RIN2: variants seen among roughly 807,000 people sequenced by gnomAD.
RIN2 encodes the protein RAB5 interacting protein 2.
Under a neutral mutation model 78.0 loss-of-function variants are expected in RIN2, and 36 were observed. The observed-to-expected ratio is 0.46, with a 90% CI of 0.35 to 0.61. The LOEUF (loss-of-function observed/expected upper bound fraction) is 0.61. Among genes scored for constraint, RIN2 ranks in the 20% least tolerant of loss-of-function variants. The probability of loss-of-function intolerance (pLI) is 0.00; values close to 1 mark genes in which losing one functional copy is unlikely to be tolerated. For synonymous variants in RIN2, 466 were observed against 466.8 expected (o/e 1.00, Z 0.02); for missense variants, 1,087 against 1,159.7 (o/e 0.94, Z 0.91).
At chr20:19,965,112 GCT>G in intron 7 of RIN2, 88 bp downstream of exon 7, 1 of 1,052,450 alleles carries the variant, frequency 9.5e-7, no homozygotes, top group Non-Finnish European at 1.5e-6. Flanking sequence ...GATCTAGGAG[GCT>G]GGCCACCTAT....
chr20:19,925,984 G>A (rs551378839), intron 3 of RIN2, among the ~76,000 whole-genome samples: 1 of 152,308 alleles, frequency 6.6e-6, no homozygotes, highest in African/African-American at 2.4e-5. Context: ...TGTGGATTGT[G>A]GTATATCCCT....
At chr20:19,883,658 T>C (rs955005285) in intron 2 of RIN2, among the ~76,000 whole-genome samples, 3 of 152,202 alleles carry the variant, frequency 2.0e-5, no homozygotes, top group Admixed American at 1.3e-4. Context: ...AGGAGGACTT[T>C]CTAACCAGCA....
chr20:19,989,727 A>G lies in RIN2; in HGVS notation c.1763-279A>G, dbSNP rs544667759. On this transcript the variant is annotated intron_variant, in intron 9 of 12. Coordinates refer to ENST00000255006, the MANE Select transcript of RIN2 (RefSeq NM_018993.4). ...CATATTTGCCTGTACTTACAGGGATAGGGCATGAAAGTAATTAAAACAAAT... is the reference window on the plus strand; with the variant it reads ...CATATTTGCCTGTACTTACAGGGATGGGGCATGAAAGTAATTAAAACAAAT... Among the ~76,000 whole-genome samples the G allele has an allele frequency of 2.0e-5, 3 of 152,254 alleles. No homozygotes were observed. In the South Asian group the frequency reaches 6.2e-4, roughly 31 times the overall value.
At chr20:19,899,906 C>T (rs886976872) in intron 3 of RIN2, among the ~76,000 whole-genome samples, 7 of 152,316 alleles carry the variant, frequency 4.6e-5, no homozygotes, top group Admixed American at 1.3e-4. Flanking sequence ...GTGGCTTACA[C>T]TGGGAACATC....
At chr20:19,865,740 C>T (rs2037486625) in intron 2 of RIN2, among the ~76,000 whole-genome samples, 5 of 152,084 alleles carry the variant, frequency 3.3e-5, no homozygotes, top group South Asian at 2.1e-4. Context: ...AGCAATCCTG[C>T]TTTGGCCTCC....
chr20:19,954,642 G>C (rs2041457583), intron 4 of RIN2, among the ~76,000 whole-genome samples: 1 of 152,140 alleles, frequency 6.6e-6, no homozygotes, highest in African/African-American at 2.4e-5. Flanking sequence ...GTAAATGAGA[G>C]AATGTAGGTA....
At chr20:19,775,029 T>G (rs6046308) in intron 1 of RIN2, among the ~76,000 whole-genome samples, 61,391 of 152,016 alleles carry the variant, frequency 0.4, 16,026 homozygotes, top group African/African-American at 0.75. Context: ...ATCAATCTGG[T>G]AGGAAAAGAA....
chr20:19,882,041 T>C (rs1379809989), intron 2 of RIN2, among the ~76,000 whole-genome samples: 3 of 152,260 alleles, frequency 2.0e-5, no homozygotes, highest in South Asian at 2.1e-4. Context: ...CAAACATAAA[T>C]TGATGAATTT....
intron 2 of RIN2, among the ~76,000 whole-genome samples, chr20:19,869,823 T>G (rs140393517): frequency 7.4e-5 from 11 of 148,928 alleles, no homozygotes; most frequent in African/African-American, 2.8e-4. Context: ...TTTATTTATT[T>G]ATTTATTTAT....
chr20:19,923,755 C>A (rs1190077230), intron 3 of RIN2, among the ~76,000 whole-genome samples: 2 of 152,046 alleles, frequency 1.3e-5, no homozygotes, highest in Non-Finnish European at 2.9e-5. Context: ...GGGTGGATGG[C>A]TTATTACCTT....
At chr20:19,931,709 C>CTTTTTTTT (rs57734791) in intron 3 of RIN2, among the ~76,000 whole-genome samples, 16 of 128,110 alleles carry the variant, frequency 1.2e-4, no homozygotes, top group East Asian at 4.6e-4. Flanking sequence ...CTCGATTTGC[C>CTTTTTTTT]TTTTTTTTTT....
chr20:19,899,226 T>C (rs1179168401), intron 3 of RIN2, among the ~76,000 whole-genome samples: 2 of 152,200 alleles, frequency 1.3e-5, no homozygotes, highest in African/African-American at 4.8e-5. Flanking sequence ...GTTTATTGAC[T>C]TAAATACTGG....
At chr20:19,762,352 A>C (rs1408055337) in intron 1 of RIN2, among the ~76,000 whole-genome samples, 1 of 152,202 alleles carries the variant, frequency 6.6e-6, no homozygotes, top group Non-Finnish European at 1.5e-5. Flanking sequence ...GACTCAAAGG[A>C]GAATTGTGGG....
intron 2 of RIN2, chr20:19,823,833 C>A: frequency 6.2e-7 from 1 of 1,606,646 alleles, no homozygotes; most frequent in Non-Finnish European, 8.5e-7. Context: ...TTTTTGGAGA[C>A]AGACCCAGGG....
Position 19,995,263 on chromosome 20 carries a change from A to T in RIN2, c.2201-1416A>T, listed in dbSNP as rs1173968799. ...ATTGCCAGTGTCTGTTTTTTTTTTAAAAAAAAAAAAAAAAACAAAACACAT... is the reference window on the plus strand; with the variant it reads ...ATTGCCAGTGTCTGTTTTTTTTTTATAAAAAAAAAAAAAAACAAAACACAT... On this transcript the variant is annotated intron_variant, in intron 11 of 12. Transcript: ENST00000255006. Among the ~76,000 whole-genome samples, 3 of 147,874 alleles carry T rather than the reference A, an allele frequency of 2.0e-5. No homozygotes were observed. In the East Asian group the frequency reaches 5.9e-4, roughly 29 times the overall value.
intron 2 of RIN2, among the ~76,000 whole-genome samples, chr20:19,846,393 C>T (rs1234063323): frequency 1.3e-5 from 2 of 152,042 alleles, no homozygotes; most frequent in African/African-American, 2.4e-5. Context: ...TTGTGTCCCC[C>T]TCTTATTTCC....
chr20:19,898,480 C>G (rs949157844), intron 3 of RIN2, among the ~76,000 whole-genome samples: 1 of 152,210 alleles, frequency 6.6e-6, no homozygotes, highest in Non-Finnish European at 1.5e-5. Flanking sequence ...AAAGCTTTAT[C>G]TCACCCATTT....
At chr20:19,895,941 T>C (rs565781862) in intron 3 of RIN2, 3 of 152,344 alleles carry the variant, frequency 2.0e-5, no homozygotes, top group Non-Finnish European at 4.4e-5. Flanking sequence ...TATTCAATTT[T>C]CAAAAATTCT....
rs543517972 is a variant in RIN2 at position 19,853,311 on chromosome 20, T to C, written c.-36-36255T>C. Among the ~76,000 whole-genome samples the C allele has an allele frequency of 5.6e-3, 851 of 152,234 alleles. 9 individuals carry two copies. Among genetic ancestry groups the C allele is most frequent in the African/African-American group, 0.019 (803 of 41,516 alleles). ...TGGACATTTGGGTTGGTTCCAAGTC[T>C]TTGCTATTGTGAATAATGCTGCAAT... On this transcript the variant is annotated intron_variant, in intron 2 of 12. Coordinates refer to ENST00000255006, the MANE Select transcript of RIN2 (RefSeq NM_018993.4).
Sources: allele counts gnomAD v4.1 joint callset (sites outside exome capture counted in the v4.1 genomes callset), GRCh38; gene constraint gnomAD v4.1.1; transcripts MANE v1.5; gene names NCBI Gene and HGNC (gene_info 2026-07-23, HGNC 2026-07-21).